Variants in MECOM observed in about 807,000 individuals in gnomAD.
The protein encoded by MECOM is histone-lysine N-methyltransferase MECOM.
A neutral mutation model predicts 116.3 loss-of-function variants in MECOM; 13 were observed. That is an observed-to-expected ratio of 0.11 (90% CI 0.07 to 0.18). The LOEUF is 0.18. Ranked by LOEUF, MECOM falls within the 10% of genes least tolerant of loss-of-function variation. MECOM has a pLI of 1.00. For missense variants in MECOM, 1,299 were observed against 1,509.0 expected, an observed-to-expected ratio of 0.86 and a Z score of 2.31; for synonymous variants, 528 against 535.2, an observed-to-expected ratio of 0.99 and a Z score of 0.19.
intron 9 of MECOM, among the ~76,000 whole-genome samples, chr3:169,111,377 T>C (rs955359587): frequency 6.6e-6 from 1 of 152,156 alleles, no homozygotes; most frequent in East Asian, 1.9e-4. Flanking sequence ...ATGAATATTA[T>C]ATGTTCATAA....
chr3:169,122,493 G>T, intron 6 of MECOM, 87 bp downstream of exon 6: 6 of 1,476,192 alleles, frequency 4.1e-6, no homozygotes, highest in Non-Finnish European at 5.6e-6. Context: ...CCCTCTGAAG[G>T]CTTGTTTTTA....
At chr3:169,196,060 G>A (rs1748376357) in intron 2 of MECOM, among the ~76,000 whole-genome samples, 1 of 151,938 alleles carries the variant, frequency 6.6e-6, no homozygotes, top group Non-Finnish European at 1.5e-5. Flanking sequence ...AGCTTTTTAT[G>A]TTTCTTCTCT....
intron 2 of MECOM, among the ~76,000 whole-genome samples, chr3:169,379,262 T>C (rs1732003155): frequency 6.6e-6 from 1 of 151,962 alleles, no homozygotes; most frequent in Middle Eastern, 3.5e-3. Flanking sequence ...TTTTTTATAA[T>C]ACCTAAAGAG....
intron 1 of MECOM, among the ~76,000 whole-genome samples, chr3:169,434,527 GAATTTTGGTCATTAGAAGAAA>G (rs1485956206): frequency 6.6e-6 from 1 of 151,992 alleles, no homozygotes; most frequent in Non-Finnish European, 1.5e-5. Context: ...TTGAGACAAT[GAATTTTGGTCATTAGAAGAAA>G]GAATCATGGA....
intron 2 of MECOM, among the ~76,000 whole-genome samples, chr3:169,308,140 A>G (rs1271440045): frequency 6.6e-6 from 1 of 152,146 alleles, no homozygotes; most frequent in Non-Finnish European, 1.5e-5. Context: ...TTATACGTAA[A>G]TGTGTTGACT....
intron 2 of MECOM, among the ~76,000 whole-genome samples, chr3:169,347,534 A>G (rs1466608839): frequency 3.9e-5 from 6 of 152,034 alleles, no homozygotes; most frequent in African/African-American, 1.2e-4. Context: ...GAATTTTACT[A>G]TATGCATGTG....
chr3:169,305,160 T>C (rs898187260), intron 2 of MECOM, among the ~76,000 whole-genome samples: 2 of 152,204 alleles, frequency 1.3e-5, no homozygotes, highest in Non-Finnish European at 2.9e-5. Flanking sequence ...ACCGCATTTT[T>C]ATAGGTTTAT....
chr3:169,471,741 A>T (rs1422410151), intron 1 of MECOM, among the ~76,000 whole-genome samples: 1 of 152,214 alleles, frequency 6.6e-6, no homozygotes, highest in Non-Finnish European at 1.5e-5. Flanking sequence ...TCACATTTGT[A>T]TAATTTTGGA....
rs551219236 is a variant in MECOM at position 169,559,720 on chromosome 3, G to A, written c.37+103616C>T. Among the ~76,000 whole-genome samples the A allele has an allele frequency of 1.3e-4, 20 of 152,252 alleles. No individual in the cohort carries two copies. In the South Asian group the frequency reaches 4.2e-3, roughly 32 times the overall value. On this transcript the variant is annotated intron_variant, in intron 1 of 16. Coordinates refer to ENST00000651503, the MANE Select transcript of MECOM (RefSeq NM_004991.4). ...GAATTTAAGTAACGTAAGTGCCTAAGATCACCCAAATGGACTGTGGCTAAA... is the reference window on the plus strand; with the variant it reads ...GAATTTAAGTAACGTAAGTGCCTAAAATCACCCAAATGGACTGTGGCTAAA...
intron 1 of MECOM, among the ~76,000 whole-genome samples, chr3:169,399,168 A>G (rs554764361): frequency 6.6e-6 from 1 of 152,192 alleles, no homozygotes; most frequent in East Asian, 1.9e-4. Flanking sequence ...TTACCTTTAT[A>G]TCTTCCCTCA....
intron 16 of MECOM, among the ~76,000 whole-genome samples, chr3:169,085,825 G>A (rs1717535242): frequency 6.6e-6 from 1 of 152,184 alleles, no homozygotes; most frequent in African/African-American, 2.4e-5. Context: ...TGTTCAGAGA[G>A]TCCCCTATTT....
intron 1 of MECOM, among the ~76,000 whole-genome samples, chr3:169,594,152 C>CAAA (rs1302865186): frequency 3.5e-5 from 2 of 57,292 alleles, no homozygotes; most frequent in African/African-American, 2.8e-4. Context: ...CCACCACCAC[C>CAAA]ACAAAAAAAA....
At chr3:169,101,447 A>G (rs1012531647) in intron 11 of MECOM, among the ~76,000 whole-genome samples, 3 of 152,216 alleles carry the variant, frequency 2.0e-5, no homozygotes, top group African/African-American at 7.2e-5. Context: ...GTATGTACCC[A>G]TAAAAGCTTT....
intron 1 of MECOM, among the ~76,000 whole-genome samples, chr3:169,382,846 T>C (rs1301045438): frequency 2.4e-5 from 2 of 82,262 alleles, no homozygotes; most frequent in Admixed American, 1.6e-4. Context: ...TGAAAGCCCA[T>C]CTCAAAAAAA....
chr3:169,511,394 T>C (rs1188609578), intron 1 of MECOM, among the ~76,000 whole-genome samples: 1 of 152,182 alleles, frequency 6.6e-6, no homozygotes, highest in African/African-American at 2.4e-5. Context: ...TGGTGGAAAG[T>C]TCAGGCTAAA....
At chr3:169,352,388 T>C (rs979954597) in intron 2 of MECOM, among the ~76,000 whole-genome samples, 1 of 151,904 alleles carries the variant, frequency 6.6e-6, no homozygotes, top group Admixed American at 6.6e-5. Flanking sequence ...GAGTCACATA[T>C]TAAAGGAGCT....
At chr3:169,509,188 G>A (rs555806939) in intron 1 of MECOM, among the ~76,000 whole-genome samples, 2 of 152,258 alleles carry the variant, frequency 1.3e-5, no homozygotes, top group East Asian at 3.9e-4. Flanking sequence ...CCATTTGTCA[G>A]GAGCAGGCTC....
At chr3:169,326,995 C>A (rs971822395) in intron 2 of MECOM, among the ~76,000 whole-genome samples, 2 of 152,138 alleles carry the variant, frequency 1.3e-5, no homozygotes, top group African/African-American at 4.8e-5. Flanking sequence ...CAATAAACAG[C>A]TTTATGCTCC....
At chr3:169,582,150 A>G (rs1041488635) in intron 1 of MECOM, among the ~76,000 whole-genome samples, 1 of 152,306 alleles carries the variant, frequency 6.6e-6, no homozygotes, top group East Asian at 1.9e-4. Flanking sequence ...AGGATAATGC[A>G]TAATACCTTG....
Sources: allele counts gnomAD v4.1 joint callset (sites outside exome capture counted in the v4.1 genomes callset), GRCh38; gene constraint gnomAD v4.1.1; transcripts MANE v1.5; gene names NCBI Gene and HGNC (gene_info 2026-07-23, HGNC 2026-07-21).